Variants in C1QL3 observed in about 807,000 individuals in gnomAD.
C1QL3 encodes complement C1q like 3, also known as complement C1q-like protein 3.
In C1QL3, 4 loss-of-function variants were observed where a neutral mutation model predicts 16.6. That is an observed-to-expected ratio of 0.24 (90% CI 0.12 to 0.55). The LOEUF (loss-of-function observed/expected upper bound fraction) is 0.55. Among genes scored for constraint, C1QL3 ranks in the 20% least tolerant of loss-of-function variants. The probability of loss-of-function intolerance (pLI) is 0.94; values close to 1 mark genes in which losing one functional copy is unlikely to be tolerated. For synonymous variants in C1QL3, 189 were observed against 160.2 expected (o/e 1.18, Z -1.36); for missense variants, 269 against 365.6 (o/e 0.74, Z 2.16).
chr10:16,516,672 C>A (rs910052785), intron 1 of C1QL3, among the ~76,000 whole-genome samples: 1 of 152,218 alleles, frequency 6.6e-6, no homozygotes, highest in South Asian at 2.1e-4. Flanking sequence ...TTGATTTAGA[C>A]ACAATAATCC....
intron 1 of C1QL3, among the ~76,000 whole-genome samples, chr10:16,516,884 T>C (rs1308928036): frequency 6.6e-6 from 1 of 152,198 alleles, no homozygotes; most frequent in East Asian, 1.9e-4. Context: ...AATGTAATTC[T>C]GTAAGATTTT....
intron 1 of C1QL3, among the ~76,000 whole-genome samples, chr10:16,516,948 G>A (rs1388464155): frequency 6.6e-6 from 1 of 152,130 alleles, no homozygotes; most frequent in African/African-American, 2.4e-5. Flanking sequence ...ATACTCCAGT[G>A]TACCTGGCAT....
intron 1 of C1QL3, among the ~76,000 whole-genome samples, chr10:16,516,064 A>T (rs1007581311): frequency 6.6e-6 from 1 of 152,176 alleles, no homozygotes; most frequent in African/African-American, 2.4e-5. Flanking sequence ...AAGACTCTTT[A>T]ACACTGCTGA....
At chr10:16,516,908 C>T (rs1588640885) in intron 1 of C1QL3, among the ~76,000 whole-genome samples, 2 of 152,258 alleles carry the variant, frequency 1.3e-5, no homozygotes, top group South Asian at 2.1e-4. Flanking sequence ...CTATACTGTA[C>T]CGTAAGACTG....
intron 1 of C1QL3, among the ~76,000 whole-genome samples, chr10:16,519,459 G>A (rs1354023994): frequency 6.6e-6 from 1 of 151,936 alleles, no homozygotes; most frequent in African/African-American, 2.4e-5. Context: ...TACTGATTCA[G>A]CGTGCACAGA....
intron 1 of C1QL3, among the ~76,000 whole-genome samples, chr10:16,517,011 G>A (rs1836962473): frequency 6.6e-6 from 1 of 152,218 alleles, no homozygotes; most frequent in African/African-American, 2.4e-5. Context: ...AACAGGACTT[G>A]AAATTTCAAG....
chr10:16,520,497 T>A lies in C1QL3; in HGVS notation c.569A>T (p.Asp190Val). ...GCTCACCTGGTTGTTTTTGCAGAGATCAGCCCACATGCTGGTGCCGTCCCC... is the reference window on the plus strand; with the variant it reads ...GCTCACCTGGTTGTTTTTGCAGAGAACAGCCCACATGCTGGTGCCGTCCCC... ...RGGDGTSMWA[D>V]LCKNNQVRAS... The change falls in exon 1 of 2, where the codon GAT (aspartate) becomes GTT (valine). Residue 190 changes from aspartate to valine, a missense_variant. Asp to Val is a radical substitution (Grantham distance 152). Around this residue, in one of 2 missense-constraint regions of C1QL3, gnomAD observed 246 missense variants for 297.2 expected, o/e 0.83. Transcript: ENST00000298943. This position sits in a 1 kb window ranked among gnomAD's most constrained non-coding sequence, Gnocchi z 8.3. The A allele has an allele frequency of 6.3e-7, 1 of 1,586,892 alleles. No individual in the cohort carries two copies. Among genetic ancestry groups the A allele is most frequent in the Non-Finnish European group, 8.6e-7 (1 of 1,165,804 alleles).
At chr10:16,518,105 G>A (rs1241233275) in intron 1 of C1QL3, among the ~76,000 whole-genome samples, 2 of 152,214 alleles carry the variant, frequency 1.3e-5, no homozygotes, top group African/African-American at 2.4e-5. Flanking sequence ...TCAGCTCAGA[G>A]AGGGAACCTG....
chr10:16,516,567 G>T (rs1836954337), intron 1 of C1QL3, among the ~76,000 whole-genome samples: 1 of 152,074 alleles, frequency 6.6e-6, no homozygotes, highest in Admixed American at 6.5e-5. Context: ...ATTTTATTCA[G>T]TGCTTTGGGT....
In C1QL3 at chr10:16,520,360, G is replaced by C; in HGVS notation, c.588+118C>G. On this transcript the variant is annotated intron_variant, in intron 1 of 1. Coordinates refer to ENST00000298943, the MANE Select transcript of C1QL3 (RefSeq NM_001010908.2). This position sits in a 1 kb window ranked among gnomAD's most constrained non-coding sequence, Gnocchi z 8.3. The stretch of plus-strand genomic sequence containing the variant: ...TCCCCCCTTGCCGTCGCTCCAGGGA[G>C]CCCGGCCGCCGCGCCCTTCCTCCGC... The C allele has an allele frequency of 1.3e-6, 1 of 789,964 alleles. No homozygotes were observed. The highest frequency in any genetic ancestry group is 2.0e-6 in the Non-Finnish European group (1 of 512,124). 48.9% of individuals were successfully genotyped at this position (789,964 alleles called of 1,614,324 possible).
At chr10:16,517,436 C>T (rs1457661833) in intron 1 of C1QL3, among the ~76,000 whole-genome samples, 1 of 152,036 alleles carries the variant, frequency 6.6e-6, no homozygotes, top group African/African-American at 2.4e-5. Flanking sequence ...GCTTTTAATC[C>T]TGAAACAGTA....
At chr10:16,519,633 C>G (rs927578098) in intron 1 of C1QL3, among the ~76,000 whole-genome samples, 1 of 152,142 alleles carries the variant, frequency 6.6e-6, no homozygotes, top group Non-Finnish European at 1.5e-5. Flanking sequence ...CGCCGACCGG[C>G]TCAGGGAATC....
chr10:16,515,223 A>AG (rs1836931606), intron 1 of C1QL3, among the ~76,000 whole-genome samples: 1 of 121,448 alleles, frequency 8.2e-6, no homozygotes, highest in African/African-American at 3.8e-5. Context: ...CTACTTACAA[A>AG]GAAAAAAAAA....
chr10:16,518,906 T>C (rs752453270), intron 1 of C1QL3, among the ~76,000 whole-genome samples: 3 of 152,068 alleles, frequency 2.0e-5, no homozygotes, highest in Non-Finnish European at 2.9e-5. Flanking sequence ...GTACAGTGAG[T>C]CCTGCCCGTT....
rs1837020811 is a variant in C1QL3 at position 16,520,341 on chromosome 10, C to A, written c.588+137G>T. On this transcript the variant is annotated intron_variant, in intron 1 of 1. Coordinates refer to ENST00000298943, the MANE Select transcript of C1QL3 (RefSeq NM_001010908.2). The surrounding 1 kb of genome is among the most constrained non-coding windows in gnomAD (Gnocchi z 8.3). ...TCTCCAGGGTGGGACGGCGTCCCCC[C>A]TTGCCGTCGCTCCAGGGAGCCCGGC... is the stretch of plus-strand genomic sequence containing the variant. The A allele has an allele frequency of 1.5e-5, 10 of 664,864 alleles. No individual in the cohort carries two copies. The highest frequency in any genetic ancestry group is 3.9e-5 in the South Asian group (2 of 50,820). The allele number at this position is 664,864 out of a possible 1,614,324, so 41.2% of individuals were successfully genotyped here.
intron 1 of C1QL3, among the ~76,000 whole-genome samples, chr10:16,519,087 T>C (rs1211133047): frequency 6.6e-6 from 1 of 150,536 alleles, no homozygotes; most frequent in Non-Finnish European, 1.5e-5. Flanking sequence ...ATTTGTAGGA[T>C]AGGGTAGAGA....
intron 1 of C1QL3, among the ~76,000 whole-genome samples, chr10:16,516,662 T>C (rs571559590): frequency 6.6e-6 from 1 of 152,334 alleles, no homozygotes; most frequent in South Asian, 2.1e-4. Flanking sequence ...CTAAAATTAC[T>C]TGATTTAGAC....
chr10:16,515,271 C>A (rs1340557096), intron 1 of C1QL3, among the ~76,000 whole-genome samples: 3 of 151,170 alleles, frequency 2.0e-5, no homozygotes, highest in Non-Finnish European at 2.9e-5. Context: ...CTTTCCAAAT[C>A]TAATTCATGT....
intron 1 of C1QL3, among the ~76,000 whole-genome samples, chr10:16,519,407 C>CCACA (rs575736198): frequency 5.5e-4 from 82 of 150,456 alleles, no homozygotes; most frequent in African/African-American, 2.0e-3. Context: ...GAAACTCAGC[C>CCACA]CACACCGCAG....
Sources: gnomAD v4.1 joint callset for allele counts (sites outside exome capture counted in the v4.1 genomes callset) on GRCh38, gnomAD v4.1.1 for gene constraint, gnomAD v4.1.1 regional missense constraint, Gnocchi (gnomAD v3.1) non-coding constraint, MANE v1.5 for transcripts, NCBI Gene and HGNC (gene_info 2026-07-23, HGNC 2026-07-21) for gene names.